LARGE1: variants seen among roughly 807,000 people sequenced by gnomAD.
LARGE1 encodes the protein LARGE xylosyl- and glucuronyltransferase 1, also known as xylosyl- and glucuronyltransferase LARGE1.
A neutral mutation model predicts 87.6 loss-of-function variants in LARGE1; 43 were observed. That is an observed-to-expected ratio of 0.49 (90% CI 0.38 to 0.63). The LOEUF (loss-of-function observed/expected upper bound fraction) is 0.63, where lower values mean the gene tolerates loss of function less well. Ranked by LOEUF, LARGE1 falls within the 30% of genes least tolerant of loss-of-function variation. The pLI, the probability that LARGE1 is intolerant of heterozygous loss-of-function variation, is 0.00. For missense variants in LARGE1, 802 were observed against 1,000.2 expected (o/e 0.80, Z 2.67); for synonymous variants, 434 against 394.6 (o/e 1.10, Z -1.18).
Position 33,498,361 on chromosome 22 carries a change from T to A in LARGE1, c.788-66096A>T, listed in dbSNP as rs73882245. ...AGGCAGGGCTGTTCTCTTAAAATAA[T>A]CTCTACAACTTTTTAGAATGACTTG... On this transcript the variant is annotated intron_variant, in intron 6 of 14. Coordinates refer to ENST00000397394, the MANE Select transcript of LARGE1 (RefSeq NM_133642.5). 6.7e-3 allele frequency among the ~76,000 whole-genome samples: 1,021 copies of A among 152,222 alleles called. 10 individuals are homozygous for A. The highest frequency in any genetic ancestry group is 0.023 in the African/African-American group (951 of 41,526).
intron 2 of LARGE1, among the ~76,000 whole-genome samples, chr22:33,741,536 G>A (rs772620194): frequency 4.6e-5 from 7 of 152,248 alleles, no homozygotes; most frequent in Non-Finnish European, 1.0e-4. Context: ...ACACCCAAGT[G>A]TGCTGCAGCC....
At chr22:33,658,302 C>T (rs567865488) in intron 2 of LARGE1, among the ~76,000 whole-genome samples, 57 of 152,268 alleles carry the variant, frequency 3.7e-4, no homozygotes, top group African/African-American at 1.2e-3. Context: ...TTTAATTTTA[C>T]GGTCCGGGAT....
chr22:33,367,853 A>C (rs887053618), intron 9 of LARGE1, among the ~76,000 whole-genome samples: 1 of 152,138 alleles, frequency 6.6e-6, no homozygotes, highest in Non-Finnish European at 1.5e-5. Context: ...ATTTTATCCC[A>C]CTAATTTTGA....
chr22:33,684,772 A>T (rs73400799), intron 2 of LARGE1, among the ~76,000 whole-genome samples: 8,343 of 152,270 alleles, frequency 0.055, 735 homozygotes, highest in African/African-American at 0.19. Flanking sequence ...TCTTACAGCG[A>T]TGGCCTTCCC....
chr22:33,084,625 A>T, the LARGE1 span, among the ~76,000 whole-genome samples: 1 of 152,190 alleles, frequency 6.6e-6, no homozygotes, highest in Admixed American at 6.5e-5. Context: ...ACTGCACTTC[A>T]GTCTGGGCAA....
chr22:33,817,421 A>G (rs1188341457), intron 1 of LARGE1, among the ~76,000 whole-genome samples: 4 of 150,014 alleles, frequency 2.7e-5, no homozygotes, highest in Non-Finnish European at 6.0e-5. Context: ...ACAGCCATAG[A>G]CAGATCACTC....
At chr22:33,105,938 T>C in the LARGE1 span, 7 of 152,218 alleles carry the variant, frequency 4.6e-5, no homozygotes, top group South Asian at 2.1e-4. Flanking sequence ...TCAACTTCAT[T>C]GCTTACCAGA....
At chr22:33,405,426 C>T (rs975404318) in intron 7 of LARGE1, among the ~76,000 whole-genome samples, 20 of 152,326 alleles carry the variant, frequency 1.3e-4, no homozygotes, top group African/African-American at 3.8e-4. Flanking sequence ...CTTCAGATCT[C>T]GGCTAAACTG....
chr22:33,276,863 C>T (rs373269380), intron 14 of LARGE1, among the ~76,000 whole-genome samples, 197 bp downstream of exon 14: 5 of 152,296 alleles, frequency 3.3e-5, no homozygotes, highest in African/African-American at 1.2e-4. Flanking sequence ...TGGCCAAGAA[C>T]CCAACTCTCA....
chr22:33,707,013 G>A (rs1046365561), intron 2 of LARGE1, among the ~76,000 whole-genome samples: 1 of 152,214 alleles, frequency 6.6e-6, no homozygotes, highest in Non-Finnish European at 1.5e-5. Context: ...ATGTGTTAAG[G>A]TGTGTCTTCC....
intron 6 of LARGE1, among the ~76,000 whole-genome samples, chr22:33,559,842 T>G (rs62227070): frequency 0.063 from 9,646 of 152,200 alleles, 438 homozygotes; most frequent in Non-Finnish European, 0.097. Flanking sequence ...ATTTTATTTC[T>G]CGAATCCTGT....
intron 1 of LARGE1, among the ~76,000 whole-genome samples, chr22:33,836,219 C>T (rs1405799828): frequency 1.3e-5 from 2 of 152,184 alleles, no homozygotes; most frequent in Admixed American, 6.5e-5. Context: ...GGCTCTGGCC[C>T]CCATTCACTA....
At chr22:33,890,170 G>A (rs1236865364) in intron 1 of LARGE1, among the ~76,000 whole-genome samples, 1 of 152,174 alleles carries the variant, frequency 6.6e-6, no homozygotes, top group East Asian at 1.9e-4. Context: ...ACAGCTTCAG[G>A]GTTAAGCGCA....
chr22:33,270,337 A>G (rs558932791), downstream of LARGE1, among the ~76,000 whole-genome samples: 10 of 152,216 alleles, frequency 6.6e-5, no homozygotes, highest in Non-Finnish European at 1.5e-4. Context: ...AACGAAGTAT[A>G]TGAAGTACAT....
intron 1 of LARGE1, among the ~76,000 whole-genome samples, chr22:33,849,196 A>G (rs1002527286): frequency 2.0e-5 from 3 of 152,214 alleles, no homozygotes; most frequent in Admixed American, 6.5e-5. Flanking sequence ...GAGTCACCCC[A>G]GGATAAGACG....
chr22:33,190,358 A>G (rs1213566051), intron 11 of LARGE1, among the ~76,000 whole-genome samples: 1 of 152,220 alleles, frequency 6.6e-6, no homozygotes, highest in East Asian at 1.9e-4. Context: ...CTACAGCCAG[A>G]CCACGTCCTC....
the LARGE1 span, among the ~76,000 whole-genome samples, chr22:33,094,971 G>A: frequency 6.6e-6 from 1 of 152,134 alleles, no homozygotes; most frequent in Admixed American, 6.5e-5. Flanking sequence ...CTCCCACCTC[G>A]GCCTCCCAAA....
At chr22:33,728,542 C>T (rs995106763) in intron 2 of LARGE1, among the ~76,000 whole-genome samples, 2 of 139,426 alleles carry the variant, frequency 1.4e-5, no homozygotes, top group African/African-American at 5.5e-5. Context: ...CCGTCTCCAC[C>T]CCTACCACCA....
chr22:33,748,901 G>A (rs529391130), intron 2 of LARGE1, among the ~76,000 whole-genome samples: 47 of 152,180 alleles, frequency 3.1e-4, no homozygotes, highest in Non-Finnish European at 4.1e-4. Flanking sequence ...TGTGAGCTTC[G>A]TTATATCACA....
Sources: gnomAD v4.1 joint callset for allele counts (sites outside exome capture counted in the v4.1 genomes callset) on GRCh38, gnomAD v4.1.1 for gene constraint, MANE v1.5 for transcripts, NCBI Gene and HGNC (gene_info 2026-07-23, HGNC 2026-07-21) for gene names.